Variants in NLRP5 observed in about 807,000 individuals in gnomAD.
The protein encoded by NLRP5 is NACHT, LRR and PYD domains-containing protein 5.
NLRP5 carries 93 observed loss-of-function variants against 113.1 expected under a neutral mutation model. The ratio of observed to expected loss-of-function variants is 0.82; its 90% CI spans 0.70 to 0.98. The LOEUF (loss-of-function observed/expected upper bound fraction) is 0.98. NLRP5 is among the 50% of genes least tolerant of loss of function. The probability of loss-of-function intolerance (pLI) is 0.00; values close to 1 mark genes in which losing one functional copy is unlikely to be tolerated. For synonymous variants in NLRP5, 751 were observed against 600.7 expected (o/e 1.25, Z -3.66); for missense variants, 1,808 against 1,514.3 (o/e 1.19, Z -3.22).
rs1472790001 is a variant in NLRP5 at position 56,027,536 on chromosome 19, G to A, written c.1303G>A (p.Glu435Lys). The change falls in exon 7 of 15, where the codon GAA (glutamate) becomes AAA (lysine). Residue 435 changes from glutamate to lysine, a missense_variant. Physicochemically the swap from Glu to Lys is moderately conservative, Grantham distance 56. Coordinates refer to ENST00000390649, the MANE Select transcript of NLRP5 (RefSeq NM_153447.4). ...CCTGTTAGTTAGAGGAATCTCCGGG[G>A]AACAAAGAATCCACTTGCTCCTTGA... The A allele has an allele frequency of 6.2e-7, 1 of 1,613,984 alleles. No homozygotes were observed. The highest frequency in any genetic ancestry group is 8.5e-7 in the Non-Finnish European group (1 of 1,179,894).
rs115502327 is a variant in NLRP5, at chr19:56,017,161, C to T, written c.565+1363C>T. On this transcript the variant is annotated intron_variant, in intron 4 of 14. Coordinates refer to ENST00000390649, the MANE Select transcript of NLRP5 (RefSeq NM_153447.4). Reference sequence around the variant, plus strand: ...AGTTGTGACCCTCTTTCATTCCCGACTCCAGTAATTTTAGCTGTCTCTTTT... The same window carrying T: ...AGTTGTGACCCTCTTTCATTCCCGATTCCAGTAATTTTAGCTGTCTCTTTT... Among the ~76,000 whole-genome samples the T allele has an allele frequency of 4.2e-3, 637 of 152,256 alleles. 4 individuals carry two copies. Among genetic ancestry groups the T allele is most frequent in the African/African-American group, 0.015 (606 of 41,542 alleles).
intron 11 of NLRP5, among the ~76,000 whole-genome samples, chr19:56,048,979 A>ATTTTTTTTTTTT (rs60229740): frequency 2.1e-5 from 2 of 94,974 alleles, no homozygotes; most frequent in African/African-American, 4.4e-5. Flanking sequence ...TTTTTTTTTA[A>ATTTTTTTTTTTT]TTTTTTTTTT....
chr19:56,003,727 T>C lies in NLRP5; in HGVS notation c.74T>C (p.Leu25Pro). 1 of 1,597,866 alleles carries C rather than the reference T, an allele frequency of 6.3e-7. No homozygotes were observed. Among genetic ancestry groups the C allele is most frequent in the Admixed American group, 1.8e-5 (1 of 56,222 alleles). ...GATCCTCTTTTAAGTCTTGTCACTC[T>C]TTCCACAGGTCCTACTTGCTCTATA... The change falls in exon 2 of 15, where the codon CTT becomes CCT. Residue 25 changes from leucine to proline, a missense_variant. Leu to Pro is a moderately conservative substitution (Grantham distance 98). Coordinates refer to ENST00000390649, the MANE Select transcript of NLRP5 (RefSeq NM_153447.4).
At chr19:56,032,802 C>G (rs372787386) in intron 8 of NLRP5, 21 bp downstream of exon 8, 1 of 1,585,832 alleles carries the variant, frequency 6.3e-7, no homozygotes, top group Non-Finnish European at 8.6e-7. Context: ...CCGCCCCCTA[C>G]GAGAGAATCC....
intron 8 of NLRP5, among the ~76,000 whole-genome samples, chr19:56,033,012 G>A (rs111611972): frequency 0.14 from 21,339 of 152,038 alleles, 1,615 homozygotes; most frequent in Middle Eastern, 0.2. Context: ...TTGGGAGGCC[G>A]AGGTGGGTGG....
rs202132235 is a variant in NLRP5 at position 56,027,766 on chromosome 19, C to T, written c.1533C>T (p.Thr511=). Residue 511 remains threonine (T), a synonymous_variant, in exon 7 of 15, where the codon ACC becomes ACT. Coordinates refer to ENST00000390649, the MANE Select transcript of NLRP5 (RefSeq NM_153447.4). ...CCGCTTTTGTGTTTCATCAGCTCAC[C>T]CCTCGAGGCGTGGTCCGGCGCTGTC... The T allele has an allele frequency of 1.4e-5, 22 of 1,613,834 alleles. No homozygotes were observed. In the Admixed American group the frequency reaches 2.2e-4, roughly 16 times the overall value.
At chr19:56,040,895 G>T in intron 10 of NLRP5, 27 bp from the exon 11 acceptor site, 1 of 1,604,560 alleles carries the variant, frequency 6.2e-7, no homozygotes, top group Non-Finnish European at 8.5e-7. Flanking sequence ...ATCTCATCAT[G>T]TCCTCTCTGG....
intron 4 of NLRP5, among the ~76,000 whole-genome samples, chr19:56,016,993 C>T (rs1982429862): frequency 6.6e-6 from 1 of 152,010 alleles, no homozygotes; most frequent in Non-Finnish European, 1.5e-5. Context: ...ATTTTTAGTG[C>T]AGATGGGGTT....
At chr19:56,008,038 C>A (rs112629854) in intron 2 of NLRP5, among the ~76,000 whole-genome samples, 3 of 135,708 alleles carry the variant, frequency 2.2e-5, no homozygotes, top group African/African-American at 8.1e-5. Context: ...GTGCCATTCT[C>A]CTGCCTCAGC....
chr19:56,017,201 C>T (rs896713913), intron 4 of NLRP5, among the ~76,000 whole-genome samples: 27 of 152,118 alleles, frequency 1.8e-4, no homozygotes, highest in Admixed American at 1.7e-3. Flanking sequence ...CTTGGTCAGT[C>T]TGGCTAAAGG....
intron 3 of NLRP5, among the ~76,000 whole-genome samples, chr19:56,015,086 G>A (rs933898443): frequency 6.6e-6 from 1 of 152,040 alleles, no homozygotes; most frequent in Non-Finnish European, 1.5e-5. Flanking sequence ...ATTTTTTTTG[G>A]TTACGTTTGT....
chr19:56,052,125 C>G (rs1048787152), intron 12 of NLRP5, among the ~76,000 whole-genome samples: 6 of 152,198 alleles, frequency 3.9e-5, no homozygotes, highest in Non-Finnish European at 8.8e-5. Flanking sequence ...TCACCCCTAC[C>G]TGGTCTTCAA....
Position 56,043,857 on chromosome 19 carries a change from G to A in NLRP5, c.2957+2765G>A, listed in dbSNP as rs1042532646. On this transcript the variant is annotated intron_variant, in intron 11 of 14. Coordinates refer to ENST00000390649, the MANE Select transcript of NLRP5 (RefSeq NM_153447.4). ...CTCCCAAAGTGCTGGGATTACAGGCGTGAGCCACCACGCCTGGCCTCTGCT... is the reference window on the plus strand; with the variant it reads ...CTCCCAAAGTGCTGGGATTACAGGCATGAGCCACCACGCCTGGCCTCTGCT... Among the ~76,000 whole-genome samples the A allele has an allele frequency of 2.8e-4, 39 of 141,450 alleles. 1 individual carries two copies. Among genetic ancestry groups the A allele is most frequent in the Non-Finnish European group, 4.3e-4 (27 of 62,608 alleles). 92.8% of individuals were successfully genotyped at this position (141,450 alleles called of 152,430 possible).
At position 56,061,424 on chromosome 19, in the gene NLRP5, A is replaced by C; in HGVS notation, c.3499A>C (p.Ile1167Leu). The C allele has an allele frequency of 6.2e-7, 1 of 1,614,014 alleles. No individual in the cohort carries two copies. Among genetic ancestry groups the C allele is most frequent in the South Asian group, 1.1e-5 (1 of 91,074 alleles). ...GTGGAAATGGCAGTACCCTGTGCAA[A>C]TAAGGAAGCTGCTGGAGGAAGTGCA... The change falls in exon 15 of 15, where the codon ATA becomes CTA. Residue 1167 changes from isoleucine (I) to leucine (L), a missense_variant. Ile to Leu is a conservative substitution (Grantham distance 5, BLOSUM62 2). Transcript: ENST00000390649.
chr19:55,997,794 C>G (rs1051428272), upstream of NLRP5, among the ~76,000 whole-genome samples: 2 of 151,692 alleles, frequency 1.3e-5, no homozygotes, highest in African/African-American at 2.4e-5. Flanking sequence ...CCCCAGAAGG[C>G]AGCAGTTGCA....
chr19:56,003,109 T>C (rs999035483), intron 1 of NLRP5, among the ~76,000 whole-genome samples: 4 of 151,462 alleles, frequency 2.6e-5, no homozygotes, highest in Non-Finnish European at 5.9e-5. Flanking sequence ...TTACTGGGTA[T>C]ATACCCTAAG....
In NLRP5 at chr19:56,003,166, T is replaced by G. The variant is rs535556238; in HGVS notation, c.63-550T>G. ...AAAGACACATGCCAGTGGTTTTTTG[T>G]TTTTTGAGATGGAGTTTCACTCTTG... On this transcript the variant is annotated intron_variant, in intron 1 of 14. Transcript: ENST00000390649. 6.6e-5 allele frequency among the ~76,000 whole-genome samples: 10 copies of G among 152,170 alleles called. No homozygotes were observed. The East Asian group carries it at 1.7e-3, about 27-fold the overall frequency.
At chr19:55,990,885 G>GAGGC in the NLRP5 span, among the ~76,000 whole-genome samples, 2 of 152,134 alleles carry the variant, frequency 1.3e-5, no homozygotes, top group Non-Finnish European at 2.9e-5. Context: ...TGGGGAGGTT[G>GAGGC]AGGCAGGAGA....
At chr19:55,994,321 T>A in the NLRP5 span, among the ~76,000 whole-genome samples, 1 of 152,184 alleles carries the variant, frequency 6.6e-6, no homozygotes, top group Admixed American at 6.5e-5. Context: ...TGCTATACAG[T>A]TGTTTGAGTT....
Sources: gnomAD v4.1 joint callset for allele counts (sites outside exome capture counted in the v4.1 genomes callset) on GRCh38, gnomAD v4.1.1 for gene constraint, MANE v1.5 for transcripts, NCBI Gene and HGNC (gene_info 2026-07-23, HGNC 2026-07-21) for gene names.